Variants in HOOK3 observed in about 807,000 individuals in gnomAD.
The protein encoded by HOOK3 is protein Hook homolog 3.
In HOOK3, 24 loss-of-function variants were observed where a neutral mutation model predicts 116.3. The ratio of observed to expected loss-of-function variants is 0.21; its 90% CI spans 0.15 to 0.29. The LOEUF (loss-of-function observed/expected upper bound fraction) is 0.29. Among genes scored for constraint, HOOK3 ranks in the 10% least tolerant of loss-of-function variants. HOOK3 has a pLI of 1.00. For synonymous variants in HOOK3, 275 were observed against 283.0 expected (o/e 0.97, Z 0.28); for missense variants, 632 against 830.2 (o/e 0.76, Z 2.93).
chr8:43,000,238 C>T (rs1055796591), intron 16 of HOOK3: 5 of 1,273,474 alleles, frequency 3.9e-6, no homozygotes, highest in African/African-American at 1.5e-5. Flanking sequence ...ACTAATTTGT[C>T]CTCTCTGTCT....
intron 21 of HOOK3, among the ~76,000 whole-genome samples, chr8:43,016,910 AC>A (rs1244025285): frequency 2.0e-5 from 3 of 152,204 alleles, no homozygotes; most frequent in Non-Finnish European, 2.9e-5. Context: ...GCATGGGCTC[AC>A]GCCTGTAATT....
At chr8:42,903,465 C>T (rs1055499433) in intron 1 of HOOK3, among the ~76,000 whole-genome samples, 1 of 150,312 alleles carries the variant, frequency 6.7e-6, no homozygotes, top group African/African-American at 2.4e-5. Flanking sequence ...CTGCTTCAGC[C>T]TCCCGAGTAG....
At chr8:42,967,393 G>A (rs1332987370) in intron 10 of HOOK3, among the ~76,000 whole-genome samples, 1 of 152,046 alleles carries the variant, frequency 6.6e-6, no homozygotes, top group African/African-American at 2.4e-5. Flanking sequence ...ACTTCCCTGG[G>A]TTCCCACCCA....
chr8:42,953,798 A>G (rs1333711001), intron 6 of HOOK3, among the ~76,000 whole-genome samples: 1 of 152,162 alleles, frequency 6.6e-6, no homozygotes, highest in Non-Finnish European at 1.5e-5. Flanking sequence ...ATTCACTACA[A>G]TCCTGTGAGG....
intron 1 of HOOK3, 61 bp downstream of exon 1, chr8:42,897,249 C>T: frequency 8.8e-7 from 1 of 1,135,880 alleles, no homozygotes. Context: ...CCGGGACCCT[C>T]CACGCGCGGC....
intron 8 of HOOK3, among the ~76,000 whole-genome samples, chr8:42,963,053 C>T (rs1199071755): frequency 3.3e-5 from 5 of 151,982 alleles, no homozygotes; most frequent in South Asian, 2.1e-4. Flanking sequence ...CCACCCACCT[C>T]GGCCTCCCAA....
At chr8:42,984,382 A>T (rs1440007821) in intron 14 of HOOK3, among the ~76,000 whole-genome samples, 1 of 151,952 alleles carries the variant, frequency 6.6e-6, no homozygotes, top group Non-Finnish European at 1.5e-5. Flanking sequence ...AAAAAAAAAA[A>T]TAAGAAGTAC....
At chr8:42,918,256 T>C (rs1807569724) in intron 2 of HOOK3, among the ~76,000 whole-genome samples, 1 of 152,112 alleles carries the variant, frequency 6.6e-6, no homozygotes, top group Non-Finnish European at 1.5e-5. Context: ...GAGGATCACT[T>C]GAACCCAGGA....
chr8:43,010,446 T>C, intron 19 of HOOK3, 41 bp downstream of exon 19: 1 of 697,702 alleles, frequency 1.4e-6, no homozygotes, highest in Non-Finnish European at 2.2e-6. Context: ...TACCTTCTGA[T>C]CACATTTCAG....
intron 2 of HOOK3, among the ~76,000 whole-genome samples, chr8:42,911,179 C>T (rs1402603368): frequency 6.6e-6 from 1 of 152,136 alleles, no homozygotes; most frequent in Non-Finnish European, 1.5e-5. Flanking sequence ...AGGTCGGGTG[C>T]GGTGGCTCAC....
At position 42,906,157 on chromosome 8, in the gene HOOK3, C is replaced by A; in HGVS notation, c.58-16C>A. 2 of 575,632 alleles carry A rather than the reference C, an allele frequency of 3.5e-6. No homozygotes were observed. Among genetic ancestry groups the A allele is most frequent in the South Asian group, 1.4e-5 (1 of 70,474 alleles). The allele number at this position is 575,632 out of a possible 1,614,324, so 35.7% of individuals were successfully genotyped here. A position where few individuals can be genotyped will look rare whatever the true frequency, so the allele number is the denominator to read the frequency against. ...ACCACAGAATCTCTCCCCCCCCCCT[C>A]TTTTTTTCCCTTCAGATCCAGACAT... On this transcript the variant is annotated splice_polypyrimidine_tract_variant and intron_variant, in intron 1 of 21. Transcript: ENST00000307602.
intron 15 of HOOK3, among the ~76,000 whole-genome samples, chr8:42,997,110 G>A (rs988285933): frequency 1.3e-5 from 2 of 151,994 alleles, no homozygotes; most frequent in Non-Finnish European, 2.9e-5. Context: ...GTTTCACCAT[G>A]CTGGCCAGGC....
intron 1 of HOOK3, among the ~76,000 whole-genome samples, chr8:42,901,721 C>CT (rs1212069054): frequency 6.6e-6 from 1 of 152,090 alleles, no homozygotes; most frequent in East Asian, 1.9e-4. Flanking sequence ...CAAATCAAGT[C>CT]TTTTTTTGGA....
intron 4 of HOOK3, among the ~76,000 whole-genome samples, chr8:42,933,908 T>C (rs1807916999): frequency 6.6e-6 from 1 of 152,204 alleles, no homozygotes. Context: ...TTTATCTCCA[T>C]GTTCATGCTG....
Position 42,973,404 on chromosome 8 carries a change from G to GTA in HOOK3, c.1233+13_1233+14dup, listed in dbSNP as rs1380994146. ...AGTCTTCAAAAAGAAAAGGACGTGA[G>GTA]TATATATATTAGGCATTTTGGTTTT... On this transcript the variant is annotated splice_donor_region_variant and intron_variant, in intron 12 of 21. Transcript: ENST00000307602. The GTA allele has an allele frequency of 3.8e-6, 6 of 1,597,864 alleles. No homozygotes were observed. The highest frequency in any genetic ancestry group is 5.1e-6 in the Non-Finnish European group (6 of 1,170,678).
Position 43,030,360 on chromosome 8 carries a change from G to A in HOOK3, c.*11862G>A, listed in dbSNP as rs752728778. 1.0e-4 allele frequency: 19 copies of A among 181,200 alleles called. 1 individual carries two copies. Among genetic ancestry groups the A allele is most frequent in the African/African-American group, 1.4e-4 (6 of 42,354 alleles). 11.2% of individuals were successfully genotyped at this position (181,200 alleles called of 1,614,324 possible). A position where few individuals can be genotyped will look rare whatever the true frequency, so the allele number is the denominator to read the frequency against. Reference sequence around the variant, plus strand: ...AATTTTACGACTGCCAACTTGTTACGGTATTAATTATATGTATGTGTTTAT... The same window carrying A: ...AATTTTACGACTGCCAACTTGTTACAGTATTAATTATATGTATGTGTTTAT... On this transcript the variant is annotated 3_prime_UTR_variant, in exon 22 of 22. Coordinates refer to ENST00000307602, the MANE Select transcript of HOOK3 (RefSeq NM_032410.4).
intron 4 of HOOK3, among the ~76,000 whole-genome samples, chr8:42,938,129 T>C (rs1213248397): frequency 2.0e-5 from 3 of 152,196 alleles, no homozygotes; most frequent in Admixed American, 2.0e-4. Context: ...AATTGATCCC[T>C]TTACCGTTAT....
intron 21 of HOOK3, among the ~76,000 whole-genome samples, chr8:43,017,775 A>G (rs1809751444): frequency 6.6e-6 from 1 of 151,922 alleles, no homozygotes; most frequent in Non-Finnish European, 1.5e-5. Context: ...CTCCCTTCTA[A>G]GTTAGTAGGC....
rs888867618 is a variant in HOOK3, at chr8:43,023,034, C to G, written c.*4536C>G. On this transcript the variant is annotated 3_prime_UTR_variant, in exon 22 of 22. Transcript: ENST00000307602. ...CCAGCCTGGCTAATATGGTGAAACC[C>G]CATCTCTACTAAAAATACAGTATTA... 6.4e-6 allele frequency: 1 copy of G among 156,120 alleles called. No individual in the cohort carries two copies. The highest frequency in any genetic ancestry group is 1.4e-5 in the Non-Finnish European group (1 of 70,520). 9.7% of individuals were successfully genotyped at this position (156,120 alleles called of 1,614,324 possible).
Sources: allele counts gnomAD v4.1 joint callset (sites outside exome capture counted in the v4.1 genomes callset), GRCh38; gene constraint gnomAD v4.1.1; transcripts MANE v1.5; gene names NCBI Gene and HGNC (gene_info 2026-07-23, HGNC 2026-07-21).